Variants in MYBPC2 observed in about 807,000 individuals in gnomAD.
MYBPC2 encodes the protein myosin-binding protein C, fast-type.
A neutral mutation model predicts 137.0 loss-of-function variants in MYBPC2; 122 were observed. The observed-to-expected ratio is 0.89, with a 90% CI of 0.77 to 1.03. The LOEUF is 1.03. Ranked by LOEUF, MYBPC2 falls within the 50% of genes least tolerant of loss-of-function variation. The probability of loss-of-function intolerance (pLI) is 0.00; values close to 1 mark genes in which losing one functional copy is unlikely to be tolerated. For missense variants in MYBPC2, 1,500 were observed against 1,534.4 expected, an observed-to-expected ratio of 0.98 and a Z score of 0.37; for synonymous variants, 626 against 612.3, an observed-to-expected ratio of 1.02 and a Z score of -0.33.
In MYBPC2 at chr19:50,461,580, C is replaced by G; in HGVS notation, c.2970C>G (p.Ser990Arg). Residue 990 changes from serine to arginine, a missense_variant, in exon 25 of 28, where the codon AGC becomes AGG. By Grantham distance (110) the Ser-to-Arg change is moderately radical. Coordinates refer to ENST00000357701, the MANE Select transcript of MYBPC2 (RefSeq NM_004533.4). ...FNVYERNRHT[S>R]CTVSDLIVGN... ...TCTATGAACGTAACAGGCACACTAG[C>G]TGTACTGTGTCCGACCTTATCGTGG... is the stretch of plus-strand genomic sequence containing the variant. 6.2e-7 allele frequency: 1 copy of G among 1,613,854 alleles called. No individual in the cohort carries two copies. Among genetic ancestry groups the G allele is most frequent in the Middle Eastern group, 1.6e-4 (1 of 6,062 alleles).
intron 11 of MYBPC2, among the ~76,000 whole-genome samples, chr19:50,444,195 C>T (rs2039781766): frequency 6.7e-6 from 1 of 150,370 alleles, no homozygotes; most frequent in Non-Finnish European, 1.5e-5. Flanking sequence ...CTTAACCATC[C>T]ATCCACTCAT....
chr19:50,432,911 G>A lies in MYBPC2; in HGVS notation c.-43G>A. 1.2e-6 allele frequency: 2 copies of A among 1,600,254 alleles called. No individual in the cohort carries two copies. The highest frequency in any genetic ancestry group is 2.3e-5 in the South Asian group (2 of 88,838). On this transcript the variant is annotated 5_prime_UTR_variant, in exon 1 of 28. Coordinates refer to ENST00000357701, the MANE Select transcript of MYBPC2 (RefSeq NM_004533.4). This position sits in a 1 kb window ranked among gnomAD's most constrained non-coding sequence, Gnocchi z 5.5. ...CCACCTGTCCTCCCTAGGGCCTAGC[G>A]GGACGCGGCTGCGGTCAGAGGAGCA...
intron 20 of MYBPC2, among the ~76,000 whole-genome samples, chr19:50,457,553 C>T (rs1210701770): frequency 6.6e-6 from 1 of 152,138 alleles, no homozygotes; most frequent in African/African-American, 2.4e-5. Context: ...CTGGGTTTAA[C>T]ATCCTAGTCC....
chr19:50,460,506 G>A (rs530904811), intron 24 of MYBPC2, among the ~76,000 whole-genome samples: 1 of 152,160 alleles, frequency 6.6e-6, no homozygotes, highest in East Asian at 1.9e-4. Context: ...GTACCCAATA[G>A]CGCTACCCCC....
In MYBPC2 at chr19:50,458,583, CCA is replaced by C. The variant is rs1568667736; in HGVS notation, c.2339-3_2339-2del. On this transcript the variant is annotated splice_acceptor_variant and splice_polypyrimidine_tract_variant and intron_variant, in intron 20 of 27. Coordinates refer to ENST00000357701, the MANE Select transcript of MYBPC2 (RefSeq NM_004533.4). LOFTEE classifies it high-confidence loss of function. ...AGATCCGCCAGCAGGGCCTCTCTCT[CCA>C]GCCGAGGAATGGGTCCCTGCCAACA... is the stretch of plus-strand genomic sequence containing the variant. The C allele has an allele frequency of 6.2e-7, 1 of 1,611,104 alleles. No homozygotes were observed. The highest frequency in any genetic ancestry group is 2.2e-5 in the East Asian group (1 of 44,868).
At chr19:50,451,250 C>T in intron 14 of MYBPC2, 30 bp from the exon 15 acceptor site, 1 of 1,613,420 alleles carries the variant, frequency 6.2e-7, no homozygotes, top group Non-Finnish European at 8.5e-7. Flanking sequence ...TGAGTTTAGA[C>T]CTAACTGTCC....
At chr19:50,448,833 C>T (rs1192678623) in intron 13 of MYBPC2, among the ~76,000 whole-genome samples, 1 of 146,978 alleles carries the variant, frequency 6.8e-6, no homozygotes, top group African/African-American at 2.5e-5. Context: ...CTCTGAGGTT[C>T]AAGCGATTCT....
chr19:50,461,470 G>A (rs192221819), intron 24 of MYBPC2, 72 bp from the exon 25 acceptor site: 45 of 1,465,494 alleles, frequency 3.1e-5, no homozygotes, highest in East Asian at 4.6e-5. Flanking sequence ...CCCTTCTTTC[G>A]TCTGTGTCTT....
chr19:50,464,680 A>C, intron 27 of MYBPC2, 148 bp downstream of exon 27: 2 of 954,278 alleles, frequency 2.1e-6, no homozygotes, highest in Admixed American at 3.3e-5. Flanking sequence ...GCTGTCCTGA[A>C]GGCAGCACAG....
Position 50,435,846 on chromosome 19 carries a change from C to T in MYBPC2, c.180C>T (p.Ser60=), listed in dbSNP as rs375598834. 4.4e-6 allele frequency: 7 copies of T among 1,599,624 alleles called. No homozygotes were observed. The African/African-American group carries it at 5.4e-5, about 12-fold the overall frequency. ...GCGTTTTCCTGAAGAAGCCGGACTCCGTCTCAGTGGAGACTGGTGAGGGGA... is the reference window on the plus strand; with the variant it reads ...GCGTTTTCCTGAAGAAGCCGGACTCTGTCTCAGTGGAGACTGGTGAGGGGA... ...PTGVFLKKPD[S]VSVETGKDAV... is the part of the protein sequence containing the mutation. Residue 60 remains serine (S), a synonymous_variant, in exon 3 of 28, where the codon TCC becomes TCT. Transcript: ENST00000357701. This position sits in a 1 kb window ranked among gnomAD's most constrained non-coding sequence, Gnocchi z 4.8.
Position 50,435,060 on chromosome 19 carries a change from T to A in MYBPC2, c.20-101T>A, listed in dbSNP as rs2039689538. The A allele has an allele frequency of 1.5e-6, 1 of 683,452 alleles. No homozygotes were observed. Among genetic ancestry groups the A allele is most frequent in the Non-Finnish European group, 2.7e-6 (1 of 370,796 alleles). 42.3% of individuals were successfully genotyped at this position (683,452 alleles called of 1,614,324 possible). A position where few individuals can be genotyped will look rare whatever the true frequency, so the allele number is the denominator to read the frequency against. On this transcript the variant is annotated intron_variant, in intron 1 of 27. Coordinates refer to ENST00000357701, the MANE Select transcript of MYBPC2 (RefSeq NM_004533.4). This position sits in a 1 kb window ranked among gnomAD's most constrained non-coding sequence, Gnocchi z 4.8. ...GGGGCTGGGGGCCTGGACTCCTGGGTCTGAGGGAGGAGGGGCTGGGGGGTC... is the reference window on the plus strand; with the variant it reads ...GGGGCTGGGGGCCTGGACTCCTGGGACTGAGGGAGGAGGGGCTGGGGGGTC...
intron 4 of MYBPC2, 53 bp downstream of exon 4, chr19:50,436,213 G>T: frequency 1.3e-6 from 2 of 1,541,706 alleles, no homozygotes; most frequent in East Asian, 2.4e-5. Context: ...GCTTGTGCAG[G>T]ACATGCTCCT....
chr19:50,443,432 G>A, intron 9 of MYBPC2, 62 bp from the exon 10 acceptor site: 1 of 1,581,316 alleles, frequency 6.3e-7, no homozygotes. Flanking sequence ...CAGGTAAGCA[G>A]AGCTACCCCA....
chr19:50,450,785 A>G lies in MYBPC2; in HGVS notation c.1473-44A>G, dbSNP rs117440604. On this transcript the variant is annotated intron_variant, in intron 13 of 27. Coordinates refer to ENST00000357701, the MANE Select transcript of MYBPC2 (RefSeq NM_004533.4). ...GGCGGTGCAGCCCCATAGTGGTCCCATTGCAATCTGGTTCGAGCCCTACCC... is the reference window on the plus strand; with the variant it reads ...GGCGGTGCAGCCCCATAGTGGTCCCGTTGCAATCTGGTTCGAGCCCTACCC... 6.6e-4 allele frequency: 954 copies of G among 1,449,126 alleles called. 7 individuals are homozygous for G. In the African/African-American group the frequency reaches 0.01, roughly 16 times the overall value. 89.8% of individuals were successfully genotyped at this position (1,449,126 alleles called of 1,614,324 possible).
At chr19:50,464,976 C>G (rs1017227032) in intron 27 of MYBPC2, among the ~76,000 whole-genome samples, 1 of 152,096 alleles carries the variant, frequency 6.6e-6, no homozygotes, top group Non-Finnish European at 1.5e-5. Context: ...CTCCCTGCCC[C>G]GTCCCTCATC....
At chr19:50,441,456 G>A (rs914684293) in intron 8 of MYBPC2, among the ~76,000 whole-genome samples, 2 of 152,176 alleles carry the variant, frequency 1.3e-5, no homozygotes, top group African/African-American at 4.8e-5. Flanking sequence ...CAATCTGACT[G>A]CAGATCTGCC....
rs2039937593 is a variant in MYBPC2 at position 50,458,702 on chromosome 19, G to A, written c.2454G>A (p.Gly818=). 6.2e-7 allele frequency: 1 copy of A among 1,610,474 alleles called. No homozygotes were observed. The highest frequency in any genetic ancestry group is 1.3e-5 in the African/African-American group (1 of 75,068). Residue 818 remains glycine, a synonymous_variant, in exon 21 of 28, where the codon GGG becomes GGA. Coordinates refer to ENST00000357701, the MANE Select transcript of MYBPC2 (RefSeq NM_004533.4). Reference sequence around the variant, plus strand: ...GAGTAGTTGGGGTCAACATCGCGGGGCGCAGCGAGCCGGCCACCCTGGCCC... The same window carrying A: ...GAGTAGTTGGGGTCAACATCGCGGGACGCAGCGAGCCGGCCACCCTGGCCC... ...LFRVVGVNIA[G]RSEPATLAQP...
At chr19:50,445,004 G>A (rs2039791501) in intron 11 of MYBPC2, among the ~76,000 whole-genome samples, 1 of 152,006 alleles carries the variant, frequency 6.6e-6, no homozygotes, top group Non-Finnish European at 1.5e-5. Context: ...AGGAGAAAGA[G>A]ATAGGCATTA....
At position 50,455,144 on chromosome 19, in the gene MYBPC2, G is replaced by A. The variant is rs200887632; in HGVS notation, c.2051G>A (p.Arg684His). The A allele has an allele frequency of 4.3e-6, 7 of 1,613,534 alleles. No individual in the cohort carries two copies. The highest frequency in any genetic ancestry group is 5.1e-6 in the Non-Finnish European group (6 of 1,179,862). Residue 684 changes from arginine to histidine, a missense_variant, in exon 19 of 28, where the codon CGC becomes CAC. By Grantham distance (29) the Arg-to-His change is conservative (BLOSUM62 0). Transcript: ENST00000357701. The part of the protein sequence containing the change: ...LVERKKKGSQ[R>H]WMKLNFEVFT... ...GAGCGGAAGAAGAAGGGCTCTCAGC[G>A]CTGGATGAAGCTGAACTTTGAGGTC... is the stretch of plus-strand genomic sequence containing the variant.
Sources: allele counts gnomAD v4.1 joint callset (sites outside exome capture counted in the v4.1 genomes callset), GRCh38; gene constraint gnomAD v4.1.1; non-coding constraint Gnocchi (gnomAD v3.1); transcripts MANE v1.5; gene names NCBI Gene and HGNC (gene_info 2026-07-23, HGNC 2026-07-21).